The following AP3B1 variants were observed in gnomAD, a reference collection of about 807,000 sequenced individuals.
The protein encoded by AP3B1 is adaptor related protein complex 3 subunit beta 1.
In AP3B1, 61 loss-of-function variants were observed where a neutral mutation model predicts 132.5. That is an observed-to-expected ratio of 0.46 (90% CI 0.37 to 0.57). The LOEUF is 0.57. Ranked by LOEUF, AP3B1 falls within the 20% of genes least tolerant of loss-of-function variation. The probability of loss-of-function intolerance (pLI) is 0.00; values close to 1 mark genes in which losing one functional copy is unlikely to be tolerated. For missense variants in AP3B1, 1,120 were observed against 1,289.4 expected (o/e 0.87, Z 2.01); for synonymous variants, 388 against 438.3 (o/e 0.89, Z 1.43).
intron 22 of AP3B1, among the ~76,000 whole-genome samples, chr5:78,046,466 C>T (rs908234587): frequency 6.6e-6 from 1 of 152,058 alleles, no homozygotes; most frequent in African/African-American, 2.4e-5. Flanking sequence ...GTCCCTGGTG[C>T]CAAAAAGGGC....
chr5:78,143,402 T>C (rs1176849277), intron 14 of AP3B1, among the ~76,000 whole-genome samples: 1 of 151,432 alleles, frequency 6.6e-6, no homozygotes, highest in Non-Finnish European at 1.5e-5. Context: ...ATAAGATTTG[T>C]AGTTTTCTAG....
intron 7 of AP3B1, among the ~76,000 whole-genome samples, chr5:78,211,269 T>C (rs1745725532): frequency 6.6e-6 from 1 of 152,206 alleles, no homozygotes; most frequent in African/African-American, 2.4e-5. Flanking sequence ...ATAATCAGCT[T>C]TGACTTGACA....
At position 78,226,619 on chromosome 5, in the gene AP3B1, A is replaced by G. The variant is rs192060827; in HGVS notation, c.536+753T>C. 2.6e-5 allele frequency among the ~76,000 whole-genome samples: 4 copies of G among 152,222 alleles called. No individual in the cohort carries two copies. In the East Asian group the frequency reaches 7.7e-4, roughly 29 times the overall value. On this transcript the variant is annotated intron_variant, in intron 5 of 26. Transcript: ENST00000255194. ...TGATCTTCTTCCTCAAATACATGATATGCTATTCATAATTAAGTGCCACAT... is the reference window on the plus strand; with the variant it reads ...TGATCTTCTTCCTCAAATACATGATGTGCTATTCATAATTAAGTGCCACAT...
At chr5:78,279,825 G>GGT (rs1324702726) in intron 1 of AP3B1, among the ~76,000 whole-genome samples, 25 of 129,622 alleles carry the variant, frequency 1.9e-4, no homozygotes, top group Non-Finnish European at 2.9e-4. Flanking sequence ...TGTATATATA[G>GGT]GTGTGTATAT....
chr5:78,125,913 T>G (rs1485931217), intron 17 of AP3B1, among the ~76,000 whole-genome samples: 1 of 152,002 alleles, frequency 6.6e-6, no homozygotes, highest in Non-Finnish European at 1.5e-5. Context: ...AACCAATCTA[T>G]CAGCCAATAA....
intron 2 of AP3B1, among the ~76,000 whole-genome samples, chr5:78,250,381 T>G (rs1747580300): frequency 1.3e-5 from 2 of 152,202 alleles, no homozygotes; most frequent in African/African-American, 4.8e-5. Context: ...AAGAGTGCTC[T>G]CAGGCTCCTT....
intron 22 of AP3B1, chr5:78,041,822 T>G (rs1748101023): frequency 6.4e-6 from 1 of 155,150 alleles, no homozygotes; most frequent in Non-Finnish European, 1.4e-5. Context: ...TTCTTTCTTT[T>G]CTTTTTTTTT....
At chr5:78,134,626 T>C (rs1030146395) in intron 15 of AP3B1, among the ~76,000 whole-genome samples, 3 of 152,182 alleles carry the variant, frequency 2.0e-5, no homozygotes, top group African/African-American at 7.2e-5. Context: ...CTGCAACCTC[T>C]GCCAACCAGG....
intron 26 of AP3B1, among the ~76,000 whole-genome samples, chr5:78,012,717 C>A (rs1334270890): frequency 2.0e-5 from 3 of 152,182 alleles, no homozygotes; most frequent in Admixed American, 2.0e-4. Flanking sequence ...ACGGCTAGAA[C>A]AGAAAAGCCT....
chr5:78,193,834 C>T (rs1470932270), intron 7 of AP3B1, among the ~76,000 whole-genome samples: 2 of 146,932 alleles, frequency 1.4e-5, no homozygotes, highest in African/African-American at 5.0e-5. Flanking sequence ...TGATCTCGCT[C>T]ACTGCAAGCT....
chr5:78,119,364 AG>A, intron 17 of AP3B1, among the ~76,000 whole-genome samples: 1 of 152,356 alleles, frequency 6.6e-6, no homozygotes, highest in South Asian at 2.1e-4. Context: ...AGCTGAGAGA[AG>A]AAGGCTTCAG....
intron 20 of AP3B1, among the ~76,000 whole-genome samples, chr5:78,107,424 T>A (rs1024504137): frequency 6.6e-6 from 1 of 152,204 alleles, no homozygotes; most frequent in Non-Finnish European, 1.5e-5. Flanking sequence ...CTCTGTTTTT[T>A]TCACTCCATG....
At chr5:78,290,307 G>A (rs532684872) in intron 1 of AP3B1, among the ~76,000 whole-genome samples, 102 of 152,146 alleles carry the variant, frequency 6.7e-4, no homozygotes, top group Non-Finnish European at 1.2e-3. Context: ...GGCTGGTCTG[G>A]AACTCCTGGG....
rs1285723354 is a variant in AP3B1 at position 78,096,468 on chromosome 5, G to A, written c.2470+4485C>T. Among the ~76,000 whole-genome samples the A allele has an allele frequency of 9.9e-5, 15 of 151,760 alleles. 1 individual carries two copies. The highest frequency in any genetic ancestry group is 3.3e-4 in the Admixed American group (5 of 15,254). On this transcript the variant is annotated intron_variant, in intron 21 of 26. Transcript: ENST00000255194. ...AAGTGAGGAGCGTCTCTGCCTGGCC[G>A]CCCATCGTCTGGGATGTGAGGAGCC...
chr5:78,163,335 A>T (rs76920344), intron 12 of AP3B1, among the ~76,000 whole-genome samples: 4,858 of 152,160 alleles, frequency 0.032, 261 homozygotes, highest in African/African-American at 0.11. Flanking sequence ...CTATGAAAAA[A>T]AGGGTCACTT....
At chr5:78,127,483 T>C (rs1174164741) in intron 17 of AP3B1, among the ~76,000 whole-genome samples, 1 of 152,168 alleles carries the variant, frequency 6.6e-6, no homozygotes, top group African/African-American at 2.4e-5. Context: ...AAAGAGTATT[T>C]ATATAGCAAA....
chr5:78,252,804 C>T (rs932768805), intron 2 of AP3B1, among the ~76,000 whole-genome samples: 4 of 152,154 alleles, frequency 2.6e-5, no homozygotes, highest in Admixed American at 6.5e-5. Flanking sequence ...TGGGGGAGCT[C>T]GCCACCCTTA....
In AP3B1 at chr5:78,225,627, A is replaced by G; in HGVS notation, c.537-19T>C. ...ATCAAGGCTAAAAAATACAAAAATA[A>G]CATATTAATTTTTCCCTTTAATTCT... On this transcript the variant is annotated intron_variant, in intron 5 of 26. Transcript: ENST00000255194. The G allele has an allele frequency of 6.8e-7, 1 of 1,472,494 alleles. No homozygotes were observed. Among genetic ancestry groups the G allele is most frequent in the African/African-American group, 1.4e-5 (1 of 71,978 alleles). 91.2% of individuals were successfully genotyped at this position (1,472,494 alleles called of 1,614,324 possible).
At chr5:78,202,862 T>C (rs1745353879) in intron 7 of AP3B1, among the ~76,000 whole-genome samples, 1 of 152,218 alleles carries the variant, frequency 6.6e-6, no homozygotes. Context: ...ATTAATGATA[T>C]ACATACTGAA....
Sources: gnomAD v4.1 joint callset for allele counts (sites outside exome capture counted in the v4.1 genomes callset) on GRCh38, gnomAD v4.1.1 for gene constraint, MANE v1.5 for transcripts, NCBI Gene and HGNC (gene_info 2026-07-23, HGNC 2026-07-21) for gene names.